The following DNAH7 variants were observed in gnomAD, a reference collection of about 807,000 sequenced individuals.
DNAH7 encodes axonemal beta dynein heavy chain 7.
In DNAH7, 397 loss-of-function variants were observed where a neutral mutation model predicts 444.6. The observed-to-expected ratio is 0.89, with a 90% CI of 0.82 to 0.97. The LOEUF is 0.97. Ranked by LOEUF, DNAH7 falls within the 50% of genes least tolerant of loss-of-function variation. The pLI, the probability that DNAH7 is intolerant of heterozygous loss-of-function variation, is 0.00. For synonymous variants in DNAH7, 1,636 were observed against 1,624.4 expected (o/e 1.01, Z -0.17); for missense variants, 4,902 against 4,800.8 (o/e 1.02, Z -0.62).
chr2:195,774,355 G>A (rs1424065826), intron 60 of DNAH7, among the ~76,000 whole-genome samples: 1 of 152,222 alleles, frequency 6.6e-6, no homozygotes, highest in African/African-American at 2.4e-5. Flanking sequence ...TAAAATGGAT[G>A]TAAAAATAGT....
chr2:196,012,930 T>A, intron 9 of DNAH7, 24 bp from the exon 10 acceptor site: 1 of 1,428,758 alleles, frequency 7.0e-7, no homozygotes, highest in Non-Finnish European at 9.3e-7. Context: ...AAATAAACAG[T>A]AATTTAACAA....
intron 17 of DNAH7, among the ~76,000 whole-genome samples, chr2:195,969,158 G>C (rs1434006053): frequency 1.3e-5 from 2 of 152,242 alleles, no homozygotes; most frequent in African/African-American, 4.8e-5. Flanking sequence ...GTTAAAACTT[G>C]GTTTCCTGTG....
intron 38 of DNAH7, among the ~76,000 whole-genome samples, chr2:195,874,609 A>AAC (rs991500069): frequency 3.3e-5 from 5 of 151,886 alleles, no homozygotes; most frequent in African/African-American, 1.2e-4. Flanking sequence ...TTAAAAAAAA[A>AAC]AAAAACAGCC....
At chr2:195,852,345 C>G (rs1385311229) in intron 46 of DNAH7, among the ~76,000 whole-genome samples, 1 of 151,930 alleles carries the variant, frequency 6.6e-6, no homozygotes, top group Non-Finnish European at 1.5e-5. Context: ...AAATGAGGCT[C>G]AATTGAGACC....
At chr2:195,746,603 T>A (rs954922073) in intron 63 of DNAH7, among the ~76,000 whole-genome samples, 119 of 152,294 alleles carry the variant, frequency 7.8e-4, no homozygotes, top group Non-Finnish European at 1.5e-3. Flanking sequence ...GAAGTAAAGC[T>A]GTCCTCAGCA....
chr2:195,962,982 A>G (rs1602157), intron 17 of DNAH7, among the ~76,000 whole-genome samples: 35,828 of 152,100 alleles, frequency 0.24, 5,360 homozygotes, highest in African/African-American at 0.42. Flanking sequence ...ACACCATCGT[A>G]TACAGATACC....
chr2:195,747,264 T>C (rs1693480402), intron 63 of DNAH7, among the ~76,000 whole-genome samples: 1 of 152,140 alleles, frequency 6.6e-6, no homozygotes, highest in Non-Finnish European at 1.5e-5. Flanking sequence ...ATGGATAAAT[T>C]CCACAACACA....
chr2:195,815,790 C>T (rs1238983116), intron 51 of DNAH7, among the ~76,000 whole-genome samples: 2 of 152,108 alleles, frequency 1.3e-5, no homozygotes, highest in African/African-American at 4.8e-5. Flanking sequence ...ATCATGAGGT[C>T]AGGAGATCAA....
intron 48 of DNAH7, among the ~76,000 whole-genome samples, chr2:195,832,763 C>T (rs1559128981): frequency 6.6e-6 from 1 of 152,064 alleles, no homozygotes; most frequent in Non-Finnish European, 1.5e-5. Context: ...TTTAAGGTGC[C>T]AGTTCCTTCA....
intron 58 of DNAH7, among the ~76,000 whole-genome samples, chr2:195,783,312 C>G (rs1444611333): frequency 1.3e-5 from 2 of 152,170 alleles, no homozygotes; most frequent in African/African-American, 2.4e-5. Context: ...TTCTATGACA[C>G]CAATAGGTGG....
In DNAH7 at chr2:195,957,453, G is replaced by C; in HGVS notation, c.2892-6C>G. 6.6e-7 allele frequency: 1 copy of C among 1,520,324 alleles called. No individual in the cohort carries two copies. The highest frequency in any genetic ancestry group is 8.9e-7 in the Non-Finnish European group (1 of 1,122,126). 94.2% of individuals were successfully genotyped at this position (1,520,324 alleles called of 1,614,324 possible). A position where few individuals can be genotyped will look rare whatever the true frequency, so the allele number is the denominator to read the frequency against. ...GGAGCTTGCCCTCCCATTCTCTGAG[G>C]AGCAAAACACAGTGGCTCTTACTGA... On this transcript the variant is annotated splice_region_variant and splice_polypyrimidine_tract_variant and intron_variant, in intron 18 of 64. Coordinates refer to ENST00000312428, the MANE Select transcript of DNAH7 (RefSeq NM_018897.3).
At chr2:195,971,490 C>T (rs974747602) in intron 16 of DNAH7, among the ~76,000 whole-genome samples, 2 of 152,076 alleles carry the variant, frequency 1.3e-5, no homozygotes, top group African/African-American at 4.8e-5. Flanking sequence ...GAGATGTGGT[C>T]AAAGTGAGAG....
intron 51 of DNAH7, among the ~76,000 whole-genome samples, chr2:195,815,261 T>C (rs1049548262): frequency 2.0e-5 from 3 of 152,060 alleles, no homozygotes; most frequent in African/African-American, 7.2e-5. Flanking sequence ...ATCATAAAGA[T>C]GAATAAACTC....
intron 1 of DNAH7, among the ~76,000 whole-genome samples, chr2:196,062,229 C>A (rs1698169429): frequency 1.3e-5 from 2 of 152,186 alleles, no homozygotes; most frequent in Non-Finnish European, 2.9e-5. Flanking sequence ...TTCTCAGTAT[C>A]CATCTGCTCC....
At chr2:195,756,054 C>T (rs1341624964) in intron 62 of DNAH7, 79 bp downstream of exon 62, 6 of 1,439,938 alleles carry the variant, frequency 4.2e-6, no homozygotes, top group Non-Finnish European at 5.6e-6. Flanking sequence ...GAGAGTAATA[C>T]TCATTACATT....
intron 15 of DNAH7, among the ~76,000 whole-genome samples, chr2:195,982,277 A>T (rs956602104): frequency 1.3e-5 from 2 of 152,228 alleles, no homozygotes; most frequent in African/African-American, 4.8e-5. Flanking sequence ...AACTACAATG[A>T]CATATCATTT....
At chr2:195,965,122 A>T (rs549250900) in intron 17 of DNAH7, among the ~76,000 whole-genome samples, 1 of 152,018 alleles carries the variant, frequency 6.6e-6, no homozygotes, top group African/African-American at 2.4e-5. Flanking sequence ...TATGGCTTTT[A>T]TTATGTTGAG....
chr2:195,832,454 T>A (rs1447124280), intron 48 of DNAH7, among the ~76,000 whole-genome samples: 1 of 151,992 alleles, frequency 6.6e-6, no homozygotes, highest in Non-Finnish European at 1.5e-5. Flanking sequence ...CTTTTTTTTT[T>A]TTCTTTGAGA....
chr2:195,823,148 T>C (rs1207025682), intron 49 of DNAH7, among the ~76,000 whole-genome samples: 3 of 152,200 alleles, frequency 2.0e-5, no homozygotes, highest in Non-Finnish European at 2.9e-5. Context: ...AAATACATAG[T>C]AGACATTTGA....
Sources: allele counts gnomAD v4.1 joint callset (sites outside exome capture counted in the v4.1 genomes callset), GRCh38; gene constraint gnomAD v4.1.1; transcripts MANE v1.5; gene names NCBI Gene and HGNC (gene_info 2026-07-23, HGNC 2026-07-21).